The following EVC variants were observed in gnomAD, a reference collection of about 807,000 sequenced individuals.
EVC encodes the protein EvC ciliary complex subunit 1.
Under a neutral mutation model 118.9 loss-of-function variants are expected in EVC, and 116 were observed. The ratio of observed to expected loss-of-function variants is 0.98; its 90% confidence interval spans 0.84 to 1.14. EVC has a LOEUF of 1.14. Among genes scored for constraint, EVC ranks in the 50% most tolerant of loss-of-function variants. The pLI is 0.00. For synonymous variants in EVC, 619 were observed against 534.7 expected (o/e 1.16, Z -2.18); for missense variants, 1,401 against 1,246.4 (o/e 1.12, Z -1.87).
At chr4:5,766,718 C>T (rs2152161248) in intron 11 of EVC, among the ~76,000 whole-genome samples, 1 of 133,636 alleles carries the variant, frequency 7.5e-6, no homozygotes, top group South Asian at 2.7e-4. Context: ...CTTCTGCATT[C>T]TTCACGTAGT....
Position 5,731,720 on chromosome 4 carries a change from A to G in EVC, c.617+63A>G. ...CCTCTTGGAGTGGGCCGGGAGTCAC[A>G]TCATTGTCAGAGGAGGAAACAGAGG... On this transcript the variant is annotated intron_variant, in intron 4 of 20. Transcript: ENST00000264956. This position sits in a 1 kb window ranked among gnomAD's most constrained non-coding sequence, Gnocchi z 5.6. 1.4e-6 allele frequency: 2 copies of G among 1,472,714 alleles called. No homozygotes were observed. Among genetic ancestry groups the G allele is most frequent in the South Asian group, 2.4e-5 (2 of 84,168 alleles). 91.2% of individuals were successfully genotyped at this position (1,472,714 alleles called of 1,614,324 possible). A position where few individuals can be genotyped will look rare whatever the true frequency, so the allele number is the denominator to read the frequency against.
chr4:5,758,987 G>C (rs114107614), intron 11 of EVC, among the ~76,000 whole-genome samples: 3 of 151,942 alleles, frequency 2.0e-5, no homozygotes, highest in African/African-American at 7.3e-5. Flanking sequence ...TTGACTTACC[G>C]GGGAAACTCC....
At chr4:5,782,992 ATGTGAAGGTTGGCGAGGAGAGCAGG>A (rs1255314454) in intron 11 of EVC, among the ~76,000 whole-genome samples, 1 of 151,994 alleles carries the variant, frequency 6.6e-6, no homozygotes, top group Non-Finnish European at 1.5e-5. Context: ...AGGAGAGCAG[ATGTGAAGGTTGGCGAGGAGAGCAGG>A]TGTGAAGCTT....
the EVC span, chr4:5,821,563 G>A: frequency 6.8e-6 from 4 of 588,898 alleles, no homozygotes; most frequent in Admixed American, 2.9e-5. This position sits in a 1 kb window ranked among gnomAD's most constrained non-coding sequence, Gnocchi z 4.4. Context: ...GAACACAACT[G>A]TGGGGCAAGG....
At chr4:5,728,912 G>A (rs1193809534) in intron 2 of EVC, among the ~76,000 whole-genome samples, 1 of 152,090 alleles carries the variant, frequency 6.6e-6, no homozygotes, top group Non-Finnish European at 1.5e-5. Flanking sequence ...TCTTATGATA[G>A]CATTTGTCTG....
the EVC span, chr4:5,825,798 C>A: frequency 2.6e-6 from 2 of 783,512 alleles, no homozygotes; most frequent in Non-Finnish European, 4.1e-6. The surrounding 1 kb of genome is among the most constrained non-coding windows in gnomAD (Gnocchi z 4.4). Flanking sequence ...ACAACACGCA[C>A]ACACGACAGG....
Position 5,754,716 on chromosome 4 carries a change from G to C in EVC, c.1464+783G>C, listed in dbSNP as rs1730904590. Among the ~76,000 whole-genome samples, 1 of 152,148 alleles carries C rather than the reference G, an allele frequency of 6.6e-6. No homozygotes were observed. The highest frequency in any genetic ancestry group is 2.4e-5 in the African/African-American group (1 of 41,440). ...GCTGACTCTGCCACTAAATAGCTGGGTGACCTTGGGCATGTTGCTTACCCT... is the reference window on the plus strand; with the variant it reads ...GCTGACTCTGCCACTAAATAGCTGGCTGACCTTGGGCATGTTGCTTACCCT... On this transcript the variant is annotated intron_variant, in intron 10 of 20. Coordinates refer to ENST00000264956, the MANE Select transcript of EVC (RefSeq NM_153717.3). The surrounding 1 kb of genome is among the most constrained non-coding windows in gnomAD (Gnocchi z 5.8).
rs28460555 is a variant in EVC at position 5,812,149 on chromosome 4, T to C, written c.*1112T>C. 11,325 of 54,900 alleles carry C rather than the reference T, an allele frequency of 0.21. 694 individuals are homozygous for C. Among genetic ancestry groups the C allele is most frequent in the South Asian group, 0.26 (637 of 2,420 alleles). The allele number at this position is 54,900 out of a possible 1,614,324, so 3.4% of individuals were successfully genotyped here. A position where few individuals can be genotyped will look rare whatever the true frequency, so the allele number is the denominator to read the frequency against. ...GAGAAACTTCCAGACCAGCCCCTCA[T>C]ACCACAGCCAAGAGGGGCCTTTCTC... On this transcript the variant is annotated 3_prime_UTR_variant, in exon 21 of 21. Transcript: ENST00000264956.
intron 11 of EVC, among the ~76,000 whole-genome samples, chr4:5,766,838 C>G (rs1283392529): frequency 6.6e-6 from 1 of 150,940 alleles, no homozygotes; most frequent in Non-Finnish European, 1.5e-5. Context: ...ACTTCTTTGC[C>G]TTTGGTTTGA....
At chr4:5,740,304 C>G (rs1280797547) in intron 5 of EVC, among the ~76,000 whole-genome samples, 3 of 151,996 alleles carry the variant, frequency 2.0e-5, no homozygotes, top group Non-Finnish European at 1.5e-5. Context: ...AACCTCGTCT[C>G]TACTAAAAAT....
At chr4:5,791,336 T>C (rs190826006) in intron 12 of EVC, among the ~76,000 whole-genome samples, 5 of 151,968 alleles carry the variant, frequency 3.3e-5, no homozygotes, top group African/African-American at 7.2e-5. Flanking sequence ...AGAAATAAAA[T>C]AGACAATTTT....
intron 11 of EVC, among the ~76,000 whole-genome samples, chr4:5,773,484 G>A (rs972224806): frequency 3.9e-5 from 6 of 152,154 alleles, no homozygotes; most frequent in South Asian, 4.2e-4. Context: ...TCATTCTGTC[G>A]CCCAAAGCAA....
chr4:5,824,722 G>A, the EVC span: 6 of 984,030 alleles, frequency 6.1e-6, no homozygotes, highest in Non-Finnish European at 7.2e-6. Context: ...TTTACTATCC[G>A]GCCTTCTAAG....
At chr4:5,816,281 T>C (rs1204607893), downstream of EVC, among the ~76,000 whole-genome samples, 2 of 152,256 alleles carry the variant, frequency 1.3e-5, no homozygotes, top group East Asian at 3.9e-4. Flanking sequence ...GTGGTGGCCA[T>C]GAACATGTAC....
intron 11 of EVC, among the ~76,000 whole-genome samples, chr4:5,780,312 G>C (rs1735392614): frequency 6.6e-6 from 1 of 152,128 alleles, no homozygotes; most frequent in African/African-American, 2.4e-5. Flanking sequence ...GTGTATGTGT[G>C]AGAATATGTT....
chr4:5,793,804 C>T (rs1207114814), intron 13 of EVC, 87 bp downstream of exon 13: 11 of 986,230 alleles, frequency 1.1e-5, no homozygotes, highest in Admixed American at 4.0e-5. Flanking sequence ...ACAGTGGGCA[C>T]GCTGACTGCC....
At chr4:5,774,182 T>A (rs777193058) in intron 11 of EVC, among the ~76,000 whole-genome samples, 1 of 151,834 alleles carries the variant, frequency 6.6e-6, no homozygotes, top group Non-Finnish European at 1.5e-5. Flanking sequence ...TGCCCATTTC[T>A]GGCTTTGTAC....
intron 1 of EVC, among the ~76,000 whole-genome samples, chr4:5,717,141 C>G (rs1460009917): frequency 6.6e-6 from 1 of 152,170 alleles, no homozygotes; most frequent in Non-Finnish European, 1.5e-5. Context: ...GTCTTTCTCT[C>G]TCACTTCGAT....
intron 13 of EVC, among the ~76,000 whole-genome samples, chr4:5,794,966 A>G (rs535125743): frequency 1.3e-5 from 2 of 152,300 alleles, no homozygotes; most frequent in South Asian, 2.1e-4. Context: ...GCTCCCACCT[A>G]TAAGTGAGAA....
Sources: allele counts gnomAD v4.1 joint callset (sites outside exome capture counted in the v4.1 genomes callset), GRCh38; gene constraint gnomAD v4.1.1; non-coding constraint Gnocchi (gnomAD v3.1); transcripts MANE v1.5; gene names NCBI Gene and HGNC (gene_info 2026-07-23, HGNC 2026-07-21).